Variants in PRKACB observed in about 807,000 individuals in gnomAD.
PRKACB encodes the protein protein kinase cAMP-activated catalytic subunit beta.
PRKACB carries 16 observed loss-of-function variants against 51.4 expected under a neutral mutation model. That is an observed-to-expected ratio of 0.31 (90% confidence interval 0.21 to 0.47). The LOEUF (loss-of-function observed/expected upper bound fraction) is 0.47, where lower values mean the gene tolerates loss of function less well. PRKACB is among the 20% of genes least tolerant of loss of function. PRKACB has a pLI of 1.00. For synonymous variants in PRKACB, 147 were observed against 154.4 expected (o/e 0.95, Z 0.35); for missense variants, 309 against 464.5 (o/e 0.67, Z 3.08).
chr1:84,170,531 C>T (rs1486488821), intron 1 of PRKACB, among the ~76,000 whole-genome samples: 3 of 151,722 alleles, frequency 2.0e-5, no homozygotes, highest in African/African-American at 7.2e-5. Context: ...GAGTTGTAGG[C>T]TTGTAACATA....
At chr1:84,231,981 C>G (rs1189464271) in intron 9 of PRKACB, among the ~76,000 whole-genome samples, 1 of 149,722 alleles carries the variant, frequency 6.7e-6, no homozygotes, top group Admixed American at 6.6e-5. Flanking sequence ...TGTGTTTGCT[C>G]TTGCTTTTCT....
chr1:84,114,906 A>T (rs531245972), intron 1 of PRKACB, among the ~76,000 whole-genome samples: 1 of 152,310 alleles, frequency 6.6e-6, no homozygotes, highest in Admixed American at 6.5e-5. Context: ...CATTCTGCAT[A>T]TATGCCACAT....
In PRKACB at chr1:84,214,214, T is replaced by C. The variant is rs1416016898; in HGVS notation, c.968T>C (p.Val323Ala). 6.2e-7 allele frequency: 1 copy of C among 1,613,454 alleles called. No individual in the cohort carries two copies. The highest frequency in any genetic ancestry group is 8.5e-7 in the Non-Finnish European group (1 of 1,179,784). ...GACCTTCTACGGAACCTGCTGCAGG[T>C]GGATTTGACCAAGAGATTTGGAAAT... ...LKDLLRNLLQ[V>A]DLTKRFGNLK... is the part of the protein sequence containing the mutation. The change falls in exon 9 of 10, where the codon GTG becomes GCG. Residue 323 changes from valine to alanine, a missense_variant. This residue lies in a region of PRKACB where 96 missense variants were observed against 129.9 expected (regional missense o/e 0.74). Coordinates refer to ENST00000370685, the MANE Select transcript of PRKACB (RefSeq NM_182948.4).
chr1:84,231,429 G>T (rs1675632398), intron 9 of PRKACB, among the ~76,000 whole-genome samples: 1 of 152,118 alleles, frequency 6.6e-6, no homozygotes, highest in Non-Finnish European at 1.5e-5. Context: ...GATGATGCTG[G>T]CCTCATAAAA....
chr1:84,102,021 A>G (rs1649384237), intron 1 of PRKACB, among the ~76,000 whole-genome samples: 1 of 152,120 alleles, frequency 6.6e-6, no homozygotes, highest in African/African-American at 2.4e-5. Context: ...AAAATACTGT[A>G]AGACCCTTTG....
At chr1:84,117,893 C>A (rs944218253) in intron 1 of PRKACB, among the ~76,000 whole-genome samples, 1 of 152,082 alleles carries the variant, frequency 6.6e-6, no homozygotes, top group Non-Finnish European at 1.5e-5. Context: ...AATTTGTAAT[C>A]TTTCTACTTT....
chr1:84,096,473 G>A (rs1400424152), intron 1 of PRKACB, among the ~76,000 whole-genome samples: 1 of 152,080 alleles, frequency 6.6e-6, no homozygotes, highest in Non-Finnish European at 1.5e-5. Context: ...TGTCAGCCAA[G>A]TGTAATGTTG....
chr1:84,215,112 TC>T (rs1413726700), intron 9 of PRKACB, among the ~76,000 whole-genome samples: 2 of 152,244 alleles, frequency 1.3e-5, no homozygotes, highest in East Asian at 3.8e-4. Flanking sequence ...CTTTCCTTTA[TC>T]CATTTGAAAG....
intron 1 of PRKACB, among the ~76,000 whole-genome samples, chr1:84,150,225 GTGAGATTGCACCAC>G (rs1402263183): frequency 3.3e-5 from 5 of 152,196 alleles, no homozygotes; most frequent in African/African-American, 9.6e-5. Context: ...CTGCAGTGAG[GTGAGATTGCACCAC>G]TGCAGTCCAG....
At chr1:84,213,710 T>C (rs1289555273) in intron 8 of PRKACB, among the ~76,000 whole-genome samples, 1 of 152,224 alleles carries the variant, frequency 6.6e-6, no homozygotes, top group Non-Finnish European at 1.5e-5. Context: ...TTTTGATAGA[T>C]CTCTTTTCAA....
At chr1:84,231,178 A>G (rs1675583663) in intron 9 of PRKACB, among the ~76,000 whole-genome samples, 1 of 152,120 alleles carries the variant, frequency 6.6e-6, no homozygotes, top group African/African-American at 2.4e-5. Context: ...TATTGAGATA[A>G]TCATGTGGTT....
chr1:84,164,363 A>G, intron 1 of PRKACB: 3 of 1,559,488 alleles, frequency 1.9e-6, no homozygotes, highest in Non-Finnish European at 2.6e-6. Context: ...GTGTAATTGA[A>G]AGACGTTTAG....
In PRKACB at chr1:84,134,249, C is replaced by G. The variant is rs113144624; in HGVS notation, c.47-44928C>G. Among the ~76,000 whole-genome samples the G allele has an allele frequency of 4.2e-3, 635 of 152,176 alleles. 4 individuals carry two copies. The highest frequency in any genetic ancestry group is 0.014 in the African/African-American group (601 of 41,520). ...GTATAGGATTTGGGGCAGGGCAGGC[C>G]ATGGGTGGTTTTGGAAAAGGCAACA... On this transcript the variant is annotated intron_variant, in intron 1 of 8. Coordinates refer to the PRKACB transcript ENST00000370688.
chr1:84,110,642 C>A (rs1296988490), intron 1 of PRKACB, among the ~76,000 whole-genome samples: 1 of 151,944 alleles, frequency 6.6e-6, no homozygotes, highest in Admixed American at 6.6e-5. Context: ...TTCCCTTACT[C>A]TATAGTAGAG....
intron 1 of PRKACB, among the ~76,000 whole-genome samples, chr1:84,108,962 T>A (rs1649999203): frequency 6.6e-6 from 1 of 152,024 alleles, no homozygotes; most frequent in Admixed American, 6.6e-5. Flanking sequence ...ATTGATTACA[T>A]TTGCCTCTTT....
intron 1 of PRKACB, among the ~76,000 whole-genome samples, chr1:84,085,354 A>G (rs1482856071): frequency 6.6e-6 from 1 of 152,160 alleles, no homozygotes; most frequent in Non-Finnish European, 1.5e-5. Context: ...GAAAAATCTA[A>G]ATTGTCTTTT....
Position 84,236,247 on chromosome 1 carries a change from A to T in PRKACB, c.*942A>T, listed in dbSNP as rs569289313. The T allele has an allele frequency of 6.5e-6, 1 of 152,802 alleles. No homozygotes were observed. Among genetic ancestry groups the T allele is most frequent in the African/African-American group, 2.4e-5 (1 of 41,582 alleles). 9.5% of individuals were successfully genotyped at this position (152,802 alleles called of 1,614,324 possible). ...CATCATAAACTTTTTAAAGGAAAAT[A>T]AGCAAACTAAAAAGAACATTGGTTT... On this transcript the variant is annotated 3_prime_UTR_variant, in exon 10 of 10. Transcript: ENST00000370685.
chr1:84,080,370 GATAAATTCT>G (rs1647426869), intron 1 of PRKACB, among the ~76,000 whole-genome samples: 1 of 152,116 alleles, frequency 6.6e-6, no homozygotes, highest in South Asian at 2.1e-4. Context: ...TATTTCTATG[GATAAATTCT>G]TTTCTATGTT....
At chr1:84,079,524 T>C (rs1178187330) in intron 1 of PRKACB, among the ~76,000 whole-genome samples, 2 of 152,216 alleles carry the variant, frequency 1.3e-5, no homozygotes, top group African/African-American at 4.8e-5. Flanking sequence ...TCAGATTATG[T>C]GGTTTATGTT....
Sources: allele counts gnomAD v4.1 joint callset (sites outside exome capture counted in the v4.1 genomes callset), GRCh38; gene constraint gnomAD v4.1.1; regional missense constraint gnomAD v4.1.1; transcripts MANE v1.5; gene names NCBI Gene and HGNC (gene_info 2026-07-23, HGNC 2026-07-21).